The following PTGES3 variants were observed in gnomAD, a reference collection of about 807,000 sequenced individuals.
PTGES3 encodes prostaglandin E synthase 3.
Under a neutral mutation model 29.9 loss-of-function variants are expected in PTGES3, and 5 were observed. The ratio of observed to expected loss-of-function variants is 0.17; its 90% CI spans 0.09 to 0.35. PTGES3 has a LOEUF of 0.35. PTGES3 is among the 10% of genes least tolerant of loss of function. The probability of loss-of-function intolerance (pLI) is 1.00; values close to 1 mark genes in which losing one functional copy is unlikely to be tolerated. For missense variants in PTGES3, 128 were observed against 190.0 expected, an observed-to-expected ratio of 0.67 and a Z score of 1.92; for synonymous variants, 49 against 57.8, an observed-to-expected ratio of 0.85 and a Z score of 0.69.
chr12:56,684,678 C>T (rs1032939264), intron 1 of PTGES3, among the ~76,000 whole-genome samples: 1 of 152,074 alleles, frequency 6.6e-6, no homozygotes, highest in African/African-American at 2.4e-5. Flanking sequence ...TTTAATCGGT[C>T]GAACGACAAT....
chr12:56,681,840 G>C (rs915911624), intron 1 of PTGES3, among the ~76,000 whole-genome samples: 1 of 151,630 alleles, frequency 6.6e-6, no homozygotes, highest in East Asian at 2.0e-4. Context: ...CTGGGCGACA[G>C]AGCAAGACTC....
intron 4 of PTGES3, 59 bp downstream of exon 4, chr12:56,671,690 A>AGGAATTT: frequency 9.0e-7 from 1 of 1,111,756 alleles, no homozygotes; most frequent in Non-Finnish European, 1.3e-6. Flanking sequence ...AAATAAGTAC[A>AGGAATTT]TCTTTTATTA....
Position 56,679,394 on chromosome 12 carries a change from G to A in PTGES3, c.3-6329C>T, listed in dbSNP as rs567846931. On this transcript the variant is annotated intron_variant, in intron 1 of 7. Coordinates refer to ENST00000262033, the MANE Select transcript of PTGES3 (RefSeq NM_006601.7). ...GCTGCACCCCAGCCTGGGCAACAGA[G>A]TGAGACTCTGCCTCAAAAAAAAAAA... 5.5e-4 allele frequency among the ~76,000 whole-genome samples: 68 copies of A among 122,608 alleles called. No homozygotes were observed. In the East Asian group the frequency reaches 8.0e-3, roughly 14 times the overall value. The allele number at this position is 122,608 out of a possible 152,430, so 80.4% of individuals were successfully genotyped here. A position where few individuals can be genotyped will look rare whatever the true frequency, so the allele number is the denominator to read the frequency against.
intron 1 of PTGES3, among the ~76,000 whole-genome samples, chr12:56,677,477 A>G (rs1952309184): frequency 1.3e-5 from 2 of 152,152 alleles, no homozygotes; most frequent in African/African-American, 4.8e-5. Context: ...AAGCAACATA[A>G]CTATATTGTC....
At chr12:56,686,825 C>T (rs1189134307) in intron 1 of PTGES3, 1 of 398,266 alleles carries the variant, frequency 2.5e-6, no homozygotes, top group Non-Finnish European at 4.4e-6. Context: ...AGCCAATATA[C>T]TCAGCCTCAG....
intron 5 of PTGES3, among the ~76,000 whole-genome samples, chr12:56,669,105 G>A (rs1037725188): frequency 1.3e-4 from 19 of 146,032 alleles, no homozygotes; most frequent in African/African-American, 4.8e-4. Context: ...TACCTCCTGG[G>A]TTCAAGCAAT....
intron 1 of PTGES3, among the ~76,000 whole-genome samples, chr12:56,676,029 C>G (rs899151503): frequency 6.6e-6 from 1 of 151,854 alleles, no homozygotes; most frequent in Non-Finnish European, 1.5e-5. Context: ...GAGTTTGAGA[C>G]CAGTCTGACC....
At chr12:56,680,582 C>T (rs973640385) in intron 1 of PTGES3, among the ~76,000 whole-genome samples, 1 of 151,692 alleles carries the variant, frequency 6.6e-6, no homozygotes, top group African/African-American at 2.4e-5. Flanking sequence ...GGTTTCACCA[C>T]GCTGGTCAGG....
intron 5 of PTGES3, among the ~76,000 whole-genome samples, chr12:56,666,942 T>TG (rs1460865213): frequency 6.7e-6 from 1 of 149,420 alleles, no homozygotes; most frequent in Non-Finnish European, 1.5e-5. Context: ...TATTTTGAGA[T>TG]GGAGTCTTGC....
At chr12:56,681,003 C>T (rs1952509535) in intron 1 of PTGES3, among the ~76,000 whole-genome samples, 2 of 151,968 alleles carry the variant, frequency 1.3e-5, no homozygotes, top group African/African-American at 4.8e-5. Flanking sequence ...AACTTCTGAA[C>T]TCAGGTGATG....
intron 1 of PTGES3, among the ~76,000 whole-genome samples, chr12:56,676,841 G>C (rs1300509276): frequency 7.6e-6 from 1 of 131,358 alleles, no homozygotes; most frequent in Non-Finnish European, 1.6e-5. Flanking sequence ...AAGAATCCTT[G>C]AACCCGGTGG....
intron 6 of PTGES3, 32 bp downstream of exon 6, chr12:56,666,172 A>C: frequency 6.3e-7 from 1 of 1,585,314 alleles, no homozygotes; most frequent in Non-Finnish European, 8.6e-7. Context: ...AATAGTATGA[A>C]AGTAAACAGA....
intron 6 of PTGES3, 50 bp downstream of exon 6, chr12:56,666,154 T>C: frequency 6.5e-7 from 1 of 1,526,868 alleles, no homozygotes; most frequent in East Asian, 2.3e-5. Flanking sequence ...TGTTGTTTCT[T>C]ACTATTTAAT....
chr12:56,669,509 C>G (rs1951918438), intron 5 of PTGES3, among the ~76,000 whole-genome samples: 1 of 152,212 alleles, frequency 6.6e-6, no homozygotes, highest in Non-Finnish European at 1.5e-5. Context: ...TCTTGAACTC[C>G]TGACCTCAGG....
intron 1 of PTGES3, among the ~76,000 whole-genome samples, chr12:56,677,226 G>A (rs1952297499): frequency 6.7e-6 from 1 of 149,592 alleles, no homozygotes; most frequent in African/African-American, 2.5e-5. Flanking sequence ...GCGACAGAGT[G>A]AGACTCCTTC....
chr12:56,688,058 T>A lies in PTGES3; in HGVS notation c.-59A>T. The A allele has an allele frequency of 1.4e-6, 2 of 1,474,604 alleles. No individual in the cohort carries two copies. Among genetic ancestry groups the A allele is most frequent in the East Asian group, 2.7e-5 (1 of 36,950 alleles). 91.3% of individuals were successfully genotyped at this position (1,474,604 alleles called of 1,614,324 possible). ...GGCGGGCCTCTCTGGCGGCGGCTGC[T>A]GCTAGGGAGTCGACTTCTCTCCGGT... On this transcript the variant is annotated 5_prime_UTR_variant, in exon 1 of 8. Transcript: ENST00000262033.
intron 6 of PTGES3, chr12:56,665,690 G>A: frequency 1.1e-6 from 1 of 948,374 alleles, no homozygotes; most frequent in Non-Finnish European, 1.3e-6. Context: ...TGCCCACACT[G>A]GAGTGCAATG....
chr12:56,671,995 T>C, intron 3 of PTGES3, 148 bp from the exon 4 acceptor site: 5 of 470,620 alleles, frequency 1.1e-5, no homozygotes, highest in Non-Finnish European at 1.8e-5. Flanking sequence ...AACTTCAAAC[T>C]ATCCAACTGC....
At chr12:56,683,473 C>CAAAAAAAAAAAAAAAAAAAAAA (rs71081388) in intron 1 of PTGES3, among the ~76,000 whole-genome samples, 4 of 29,760 alleles carry the variant, frequency 1.3e-4, no homozygotes, top group African/African-American at 2.1e-4. Flanking sequence ...AACTCTGTCT[C>CAAAAAAAAAAAAAAAAAAAAAA]AAAAAAAAAA....
Sources: allele counts gnomAD v4.1 joint callset (sites outside exome capture counted in the v4.1 genomes callset), GRCh38; gene constraint gnomAD v4.1.1; transcripts MANE v1.5; gene names NCBI Gene and HGNC (gene_info 2026-07-23, HGNC 2026-07-21).